The following RBFOX1 variants were observed in gnomAD, a reference collection of about 807,000 sequenced individuals.
The protein encoded by RBFOX1 is RNA binding fox-1 homolog 1, also known as RNA binding protein fox-1 homolog 1.
Under a neutral mutation model 57.7 loss-of-function variants are expected in RBFOX1, and 8 were observed. That is an observed-to-expected ratio of 0.14 (90% CI 0.08 to 0.25). The LOEUF is 0.25. Ranked by LOEUF, RBFOX1 falls within the 10% of genes least tolerant of loss-of-function variation. RBFOX1 has a pLI of 1.00. For synonymous variants in RBFOX1, 326 were observed against 222.4 expected, an observed-to-expected ratio of 1.47 and a Z score of -4.15; for missense variants, 611 against 548.5, an observed-to-expected ratio of 1.11 and a Z score of -1.14.
chr16:7,303,433 G>A (rs948406471), intron 4 of RBFOX1, among the ~76,000 whole-genome samples: 2 of 152,220 alleles, frequency 1.3e-5, no homozygotes, highest in Non-Finnish European at 2.9e-5. Context: ...ATCTACCACT[G>A]TGGGTCCCAG....
chr16:7,243,578 C>T (rs753521754), intron 4 of RBFOX1, among the ~76,000 whole-genome samples: 13 of 152,232 alleles, frequency 8.5e-5, no homozygotes, highest in Middle Eastern at 3.4e-3. Flanking sequence ...GAGAGGCTGT[C>T]ACTCTGTCAC....
At chr16:7,708,437 G>C (rs1416581396) in intron 14 of RBFOX1, among the ~76,000 whole-genome samples, 2 of 152,076 alleles carry the variant, frequency 1.3e-5, no homozygotes, top group Non-Finnish European at 2.9e-5. Context: ...CCCAGAACCT[G>C]GCCATGGATT....
chr16:6,135,558 T>C (rs1352025706), intron 1 of RBFOX1, among the ~76,000 whole-genome samples: 1 of 152,096 alleles, frequency 6.6e-6, no homozygotes. Context: ...CATTGGATAT[T>C]TGAATGAAAA....
intron 3 of RBFOX1, among the ~76,000 whole-genome samples, chr16:6,860,567 A>C (rs1303975404): frequency 1.3e-5 from 2 of 152,244 alleles, no homozygotes; most frequent in African/African-American, 4.8e-5. Flanking sequence ...CTAAATGCAC[A>C]CATGAAGGAG....
intron 3 of RBFOX1, among the ~76,000 whole-genome samples, chr16:6,772,290 C>A (rs932428173): frequency 6.6e-6 from 1 of 152,112 alleles, no homozygotes; most frequent in African/African-American, 2.4e-5. Flanking sequence ...TATACAGTGC[C>A]TGACCCTAGT....
chr16:5,532,979 G>A (rs560232204), intron 2 of RBFOX1, among the ~76,000 whole-genome samples: 1 of 152,250 alleles, frequency 6.6e-6, no homozygotes, highest in Admixed American at 6.5e-5. Flanking sequence ...GGGGGCTAGA[G>A]CATATAAAAT....
intron 2 of RBFOX1, among the ~76,000 whole-genome samples, chr16:5,545,954 A>G (rs1019371511): frequency 6.6e-6 from 1 of 152,070 alleles, no homozygotes; most frequent in Non-Finnish European, 1.5e-5. Flanking sequence ...TTTTTTGCTG[A>G]ACAACTATGA....
At chr16:5,481,128 T>G (rs1323085398) in intron 2 of RBFOX1, among the ~76,000 whole-genome samples, 1 of 152,242 alleles carries the variant, frequency 6.6e-6, no homozygotes, top group Non-Finnish European at 1.5e-5. Context: ...TTCTTTGCAC[T>G]TAGATTGATC....
chr16:5,975,425 C>T (rs2087971671), intron 4 of RBFOX1, among the ~76,000 whole-genome samples: 1 of 152,124 alleles, frequency 6.6e-6, no homozygotes, highest in Admixed American at 6.5e-5. Flanking sequence ...CTCAAAAGCT[C>T]ATCTGATAGG....
At chr16:5,770,263 C>T (rs1393512813) in intron 3 of RBFOX1, among the ~76,000 whole-genome samples, 1 of 152,172 alleles carries the variant, frequency 6.6e-6, no homozygotes, top group African/African-American at 2.4e-5. Context: ...ATGAAACTGG[C>T]CAAAACCAGC....
intron 1 of RBFOX1, among the ~76,000 whole-genome samples, chr16:5,241,736 G>A (rs2062172610): frequency 6.6e-6 from 1 of 152,200 alleles, no homozygotes; most frequent in African/African-American, 2.4e-5. Context: ...GTGGATAAAT[G>A]GGACTTAGGA....
chr16:6,195,120 C>A (rs896627666), intron 1 of RBFOX1, among the ~76,000 whole-genome samples: 4 of 152,088 alleles, frequency 2.6e-5, no homozygotes, highest in Non-Finnish European at 4.4e-5. Flanking sequence ...ATGTAAAATA[C>A]CCAGGAGCAA....
At chr16:7,516,301 T>C (rs1172337526) in intron 4 of RBFOX1, among the ~76,000 whole-genome samples, 1 of 151,996 alleles carries the variant, frequency 6.6e-6, no homozygotes, top group African/African-American at 2.4e-5. Context: ...ACTCACTAGA[T>C]AGATGTGCAT....
intron 3 of RBFOX1, among the ~76,000 whole-genome samples, chr16:6,810,171 C>G (rs188138261): frequency 2.7e-4 from 41 of 152,138 alleles, no homozygotes; most frequent in Non-Finnish European, 4.9e-4. Flanking sequence ...GGATCACTCT[C>G]ATTGTCTTAT....
At chr16:6,709,401 A>G (rs2063340440) in intron 3 of RBFOX1, among the ~76,000 whole-genome samples, 1 of 152,172 alleles carries the variant, frequency 6.6e-6, no homozygotes, top group Admixed American at 6.5e-5. Context: ...CTGTGGAAGA[A>G]TTTGCATTAT....
At chr16:7,461,122 A>G (rs2059502263) in intron 4 of RBFOX1, among the ~76,000 whole-genome samples, 1 of 152,140 alleles carries the variant, frequency 6.6e-6, no homozygotes, top group African/African-American at 2.4e-5. Context: ...ATAACATTAT[A>G]TTTCACGTGG....
At chr16:6,930,228 A>G (rs901697112) in intron 3 of RBFOX1, among the ~76,000 whole-genome samples, 3 of 152,204 alleles carry the variant, frequency 2.0e-5, no homozygotes, top group Non-Finnish European at 1.5e-5. Flanking sequence ...AAACTCAACA[A>G]CAGAAAAGCA....
At chr16:7,354,466 G>A (rs957440808) in intron 4 of RBFOX1, among the ~76,000 whole-genome samples, 4 of 152,134 alleles carry the variant, frequency 2.6e-5, no homozygotes, top group South Asian at 4.1e-4. Flanking sequence ...TGTTAAACAC[G>A]GCCTAGCACC....
chr16:7,167,638 G>A (rs886901534), intron 4 of RBFOX1, among the ~76,000 whole-genome samples: 2 of 152,190 alleles, frequency 1.3e-5, no homozygotes, highest in African/African-American at 4.8e-5. Context: ...TTTTTGATAA[G>A]TTGTTACTGC....
Sources: allele counts gnomAD v4.1 joint callset (sites outside exome capture counted in the v4.1 genomes callset), GRCh38; gene constraint gnomAD v4.1.1; transcripts MANE v1.5; gene names NCBI Gene and HGNC (gene_info 2026-07-23, HGNC 2026-07-21).